ALOX15: variants seen among roughly 807,000 people sequenced by gnomAD.
ALOX15 encodes the protein polyunsaturated fatty acid lipoxygenase ALOX15.
In ALOX15, 68 loss-of-function variants were observed where a neutral mutation model predicts 71.7. The observed-to-expected ratio is 0.95, with a 90% CI of 0.78 to 1.16. ALOX15 has a LOEUF of 1.16. Ranked by LOEUF, ALOX15 falls within the 50% of genes most tolerant of loss-of-function variation. The pLI, the probability that ALOX15 is intolerant of heterozygous loss-of-function variation, is 0.00. For missense variants in ALOX15, 798 were observed against 818.8 expected, an observed-to-expected ratio of 0.97 and a Z score of 0.31; for synonymous variants, 346 against 333.3, an observed-to-expected ratio of 1.04 and a Z score of -0.42.
Position 4,631,428 on chromosome 17 carries a change from T to C in ALOX15, c.*172A>G. 1 of 697,838 alleles carries C rather than the reference T, an allele frequency of 1.4e-6. No individual in the cohort carries two copies. The allele number at this position is 697,838 out of a possible 1,614,324, so 43.2% of individuals were successfully genotyped here. A position where few individuals can be genotyped will look rare whatever the true frequency, so the allele number is the denominator to read the frequency against. On this transcript the variant is annotated 3_prime_UTR_variant, in exon 14 of 14. Coordinates refer to ENST00000293761, the MANE Select transcript of ALOX15 (RefSeq NM_001140.5). The stretch of plus-strand genomic sequence containing the variant: ...GAAAGAGGAGTAAGGTCCCAGGTGA[T>C]GCCTCTAGAGTAAAATGTGTTCACT...
rs144765617 is a variant in ALOX15 at position 4,637,443 on chromosome 17, C to T, written c.808-185G>A. ...TTAATCAGGGTCTTACCGTGCTGCC[C>T]AGGCTGGAGTGCGTGGCAGGATCAC... On this transcript the variant is annotated intron_variant, in intron 6 of 13. Transcript: ENST00000293761. Among the ~76,000 whole-genome samples the T allele has an allele frequency of 2.1e-3, 326 of 152,144 alleles. 1 individual carries two copies. Among genetic ancestry groups the T allele is most frequent in the Middle Eastern group, 0.017 (5 of 294 alleles).
Position 4,637,103 on chromosome 17 carries a change from G to A in ALOX15, c.951+12C>T. ...GCCAGAGACTGGGAGCAGAAATCCT[G>A]AGTCCTCTCACCTGGATGACCATGG... is the stretch of plus-strand genomic sequence containing the variant. On this transcript the variant is annotated intron_variant, in intron 7 of 13. Transcript: ENST00000293761. The A allele has an allele frequency of 1.2e-6, 2 of 1,600,748 alleles. No homozygotes were observed. The highest frequency in any genetic ancestry group is 1.7e-6 in the Non-Finnish European group (2 of 1,172,194).
intron 11 of ALOX15, 120 bp downstream of exon 11, chr17:4,632,741 G>A (rs1037919197): frequency 1.7e-5 from 25 of 1,477,176 alleles, no homozygotes; most frequent in African/African-American, 1.4e-4. Context: ...ATCTGAGAAG[G>A]CCTCTGGAGT....
chr17:4,634,661 C>G (rs1379555158), intron 8 of ALOX15, among the ~76,000 whole-genome samples: 2 of 151,926 alleles, frequency 1.3e-5, no homozygotes, highest in East Asian at 3.9e-4. Flanking sequence ...AGATATATAT[C>G]ACATTATATC....
chr17:4,641,042 C>T (rs1428110122), intron 1 of ALOX15, among the ~76,000 whole-genome samples: 4 of 150,630 alleles, frequency 2.7e-5, no homozygotes, highest in Non-Finnish European at 5.9e-5. Flanking sequence ...GTAGATGTGA[C>T]ATGAGATATG....
chr17:4,639,175 C>T (rs1294288377), intron 2 of ALOX15, 43 bp from the exon 3 acceptor site: 5 of 1,608,804 alleles, frequency 3.1e-6, no homozygotes, highest in African/African-American at 2.7e-5. Flanking sequence ...TTTTGGTGAG[C>T]GCCTCTTCTT....
chr17:4,632,925 G>C lies in ALOX15; in HGVS notation c.1476C>G (p.Asp492Glu). ...HYKTDVAVKD[D>E]PELQTWCREI... ...CTCGACACCAGGTCTGCAGCTCTGGGTCGTCTTTCACAGCCACGTCTGTCT... is the reference window on the plus strand; with the variant it reads ...CTCGACACCAGGTCTGCAGCTCTGGCTCGTCTTTCACAGCCACGTCTGTCT... The change falls in exon 11 of 14, where the codon GAC (aspartate) becomes GAG (glutamate). Residue 492 changes from aspartate to glutamate, a missense_variant. Coordinates refer to ENST00000293761, the MANE Select transcript of ALOX15 (RefSeq NM_001140.5). 1 of 1,614,084 alleles carries C rather than the reference G, an allele frequency of 6.2e-7. No homozygotes were observed. Among genetic ancestry groups the C allele is most frequent in the South Asian group, 1.1e-5 (1 of 91,084 alleles).
In ALOX15 at chr17:4,632,879, G is replaced by A; in HGVS notation, c.1522C>T (p.Gln508Ter). The A allele has an allele frequency of 1.2e-6, 2 of 1,614,116 alleles. No individual in the cohort carries two copies. Among genetic ancestry groups the A allele is most frequent in the Non-Finnish European group, 8.5e-7 (1 of 1,180,006 alleles). ...CTCTTACCTCGGTCCTGGGCCCCTTGCAGCCCGATTTCAGTGATCTCTCGA... is the reference window on the plus strand; with the variant it reads ...CTCTTACCTCGGTCCTGGGCCCCTTACAGCCCGATTTCAGTGATCTCTCGA... Reference protein sequence around the residue: ...WCREITEIGLQGAQDRGFPVS... With the variant: ...WCREITEIGL Residue 508 changes from glutamine (Q) to a stop codon, truncating the protein, a stop_gained, in exon 11 of 14, where the codon CAA becomes TAA. Coordinates refer to ENST00000293761, the MANE Select transcript of ALOX15 (RefSeq NM_001140.5). LOFTEE classifies it high-confidence loss of function.
In ALOX15 at chr17:4,635,801, CACA is replaced by C. The variant is rs751978702; in HGVS notation, c.1116_1118del (p.Val373del). 5.0e-6 allele frequency: 8 copies of C among 1,614,232 alleles called. No individual in the cohort carries two copies. Among genetic ancestry groups the C allele is most frequent in the Admixed American group, 1.7e-5 (1 of 60,032 alleles). ...TCGACGGCAGGCACCTCATGGTGGCCACAACAATGACCTCAGCCATCAAGTGTC... is the reference window on the plus strand; with the variant it reads ...TCGACGGCAGGCACCTCATGGTGGCCACAATGACCTCAGCCATCAAGTGTC... On this transcript the variant is annotated inframe_deletion, in exon 8 of 14. Transcript: ENST00000293761.
chr17:4,633,433 T>C lies in ALOX15; in HGVS notation c.1229A>G (p.Asp410Gly). Residue 410 changes from aspartate to glycine, a missense_variant, in exon 9 of 14, where the codon GAC becomes GGC. Physicochemically the swap from Asp to Gly is moderately conservative, Grantham distance 94. Around this residue, in one of 3 missense-constraint regions of ALOX15, gnomAD observed 490 missense variants for 509.4 expected, o/e 0.96. Coordinates refer to ENST00000293761, the MANE Select transcript of ALOX15 (RefSeq NM_001140.5). Reference protein sequence around the residue: ...NVRARTGLVSDMGIFDQIMST... With the variant: ...NVRARTGLVSGMGIFDQIMST... ...CCATACCTGGTCGAAAATTCCCATGTCAGAGACCAGCCCAGTCCTGGCCCG... is the reference window on the plus strand; with the variant it reads ...CCATACCTGGTCGAAAATTCCCATGCCAGAGACCAGCCCAGTCCTGGCCCG... 1.2e-6 allele frequency: 2 copies of C among 1,614,124 alleles called. No individual in the cohort carries two copies. The highest frequency in any genetic ancestry group is 1.7e-6 in the Non-Finnish European group (2 of 1,180,014).
intron 1 of ALOX15, 29 bp downstream of exon 1, chr17:4,641,488 C>T (rs1206128268): frequency 1.2e-6 from 2 of 1,602,330 alleles, no homozygotes; most frequent in East Asian, 4.5e-5. Flanking sequence ...AGGGGCGCAG[C>T]CCACCCCGCC....
intron 1 of ALOX15, 34 bp downstream of exon 1, chr17:4,641,483 C>A: frequency 6.2e-7 from 1 of 1,601,070 alleles, no homozygotes; most frequent in Non-Finnish European, 8.5e-7. Flanking sequence ...GAGCCAGGGG[C>A]GCAGCCCACC....
chr17:4,632,725 A>G, intron 11 of ALOX15, 136 bp downstream of exon 11: 2 of 1,386,660 alleles, frequency 1.4e-6, no homozygotes, highest in Non-Finnish European at 2.0e-6. Flanking sequence ...GGTGACAGGG[A>G]GTGGAATCTG....
intron 2 of ALOX15, 60 bp from the exon 3 acceptor site, chr17:4,639,192 G>T: frequency 1.3e-6 from 2 of 1,585,942 alleles, no homozygotes; most frequent in Non-Finnish European, 8.6e-7. Context: ...TCTTGTCTCT[G>T]CCAGGAGAGC....
rs371901374 is a variant in ALOX15, at chr17:4,633,216, G to A, written c.1348C>T (p.Arg450Trp). The change falls in exon 10 of 14, where the codon CGG becomes TGG. Residue 450 changes from arginine to tryptophan, a missense_variant. By Grantham distance (101) the Arg-to-Trp change is moderately radical. Around this residue, in one of 3 missense-constraint regions of ALOX15, gnomAD observed 490 missense variants for 509.4 expected, o/e 0.96. Transcript: ENST00000293761. ...SFCPPDDLADRGLLGVKSSFY... is the reference protein window; with the variant it reads ...SFCPPDDLADWGLLGVKSSFY... ...GAAGACTTCACTCCCAGGAGCCCCC[G>A]GTCGGCCAAGTCATCAGGGGGACAG... The A allele has an allele frequency of 2.3e-5, 37 of 1,614,064 alleles. No homozygotes were observed. Among genetic ancestry groups the A allele is most frequent in the African/African-American group, 5.3e-5 (4 of 74,924 alleles).
chr17:4,634,014 A>G (rs1414071186), intron 8 of ALOX15, among the ~76,000 whole-genome samples: 1 of 152,144 alleles, frequency 6.6e-6, no homozygotes, highest in African/African-American at 2.4e-5. Flanking sequence ...GGAACAACAG[A>G]CACCAGCATC....
At chr17:4,638,706 A>T in intron 4 of ALOX15, 22 bp from the exon 5 acceptor site, 1 of 1,613,664 alleles carries the variant, frequency 6.2e-7, no homozygotes, top group Non-Finnish European at 8.5e-7. Flanking sequence ...GATGGGGCAA[A>T]GGGTTTGAGC....
chr17:4,637,409 T>A, intron 6 of ALOX15, 151 bp from the exon 7 acceptor site: 1 of 505,076 alleles, frequency 2.0e-6, no homozygotes, highest in Non-Finnish European at 2.8e-6. Context: ...CCTCATATCA[T>A]TTTTTTTTTT....
chr17:4,635,778 G>C lies in ALOX15; in HGVS notation c.1142C>G (p.Ser381Trp). 1 of 1,614,216 alleles carries C rather than the reference G, an allele frequency of 6.2e-7. No homozygotes were observed. The highest frequency in any genetic ancestry group is 8.5e-7 in the Non-Finnish European group (1 of 1,180,050). ...AGTTACCTTGAAGATAGGATGTATC[G>C]ACGGCAGGCACCTCATGGTGGCCAC... ...IVVATMRCLP[S>W]IHPIFKLIIP... is the part of the protein sequence containing the mutation. The change falls in exon 8 of 14, where the codon TCG becomes TGG. Residue 381 changes from serine (S) to tryptophan (W), a missense_variant. Ser to Trp is a radical substitution (Grantham distance 177). Around this residue, in one of 3 missense-constraint regions of ALOX15, gnomAD observed 490 missense variants for 509.4 expected, o/e 0.96. Coordinates refer to ENST00000293761, the MANE Select transcript of ALOX15 (RefSeq NM_001140.5).
Sources: gnomAD v4.1 joint callset for allele counts (sites outside exome capture counted in the v4.1 genomes callset) on GRCh38, gnomAD v4.1.1 for gene constraint, gnomAD v4.1.1 regional missense constraint, MANE v1.5 for transcripts, NCBI Gene and HGNC (gene_info 2026-07-23, HGNC 2026-07-21) for gene names.